The following PCDHA12 variants were observed in gnomAD, a reference collection of about 807,000 sequenced individuals.
PCDHA12 encodes the protein protocadherin alpha 12.
PCDHA12 carries 44 observed loss-of-function variants against 60.0 expected under a neutral mutation model. The ratio of observed to expected loss-of-function variants is 0.73; its 90% CI spans 0.58 to 0.94. The LOEUF is 0.94. Among genes scored for constraint, PCDHA12 ranks in the 40% least tolerant of loss-of-function variants. The pLI is 0.00. For synonymous variants in PCDHA12, 569 were observed against 553.0 expected, an observed-to-expected ratio of 1.03 and a Z score of -0.40; for missense variants, 1,276 against 1,239.7, an observed-to-expected ratio of 1.03 and a Z score of -0.44.
chr5:140,897,345 C>A (rs1291203410), intron 1 of PCDHA12, among the ~76,000 whole-genome samples: 2 of 126,562 alleles, frequency 1.6e-5, no homozygotes, highest in African/African-American at 6.0e-5. Flanking sequence ...CCCCCCACCC[C>A]ACAACTGTCC....
Position 140,896,030 on chromosome 5 carries a change from C to T in PCDHA12, c.2367+18191C>T, listed in dbSNP as rs180907288. On this transcript the variant is annotated intron_variant, in intron 1 of 3. Transcript: ENST00000398631. ...TTCTCCATGTTGGCCAGGCTGGTCT[C>T]GAACTCCTGACCTCAGGTGATCCGC... Among the ~76,000 whole-genome samples, 1,221 of 152,240 alleles carry T rather than the reference C, an allele frequency of 8.0e-3. 6 individuals are homozygous for T. The highest frequency in any genetic ancestry group is 0.019 in the African/African-American group (785 of 41,560).
intron 1 of PCDHA12, among the ~76,000 whole-genome samples, chr5:140,889,404 G>A (rs565254911): frequency 2.0e-5 from 3 of 151,972 alleles, no homozygotes; most frequent in South Asian, 2.1e-4. Context: ...TAATTTACTC[G>A]AGTCAGTTAC....
chr5:140,954,390 C>A (rs2095030202), intron 1 of PCDHA12, among the ~76,000 whole-genome samples: 1 of 152,204 alleles, frequency 6.6e-6, no homozygotes, highest in South Asian at 2.1e-4. Context: ...AACTAATTTA[C>A]AACCCCACCA....
intron 3 of PCDHA12, among the ~76,000 whole-genome samples, chr5:141,002,021 C>T (rs1177146388): frequency 6.6e-6 from 1 of 152,184 alleles, no homozygotes; most frequent in Non-Finnish European, 1.5e-5. Context: ...GCACAGCCTT[C>T]GGTGCCCTGA....
intron 1 of PCDHA12, among the ~76,000 whole-genome samples, chr5:140,919,033 G>T (rs149900813): frequency 6.6e-6 from 1 of 152,282 alleles, no homozygotes; most frequent in African/African-American, 2.4e-5. Flanking sequence ...CTGCCTAGTT[G>T]TTGTCCATTA....
At chr5:140,984,174 G>A (rs557769828) in intron 3 of PCDHA12, among the ~76,000 whole-genome samples, 25 of 152,318 alleles carry the variant, frequency 1.6e-4, no homozygotes, top group African/African-American at 5.8e-4. Flanking sequence ...AAGAAGCCAC[G>A]TGAAATCATG....
At chr5:140,908,019 G>A (rs1031093375) in intron 1 of PCDHA12, among the ~76,000 whole-genome samples, 1 of 152,122 alleles carries the variant, frequency 6.6e-6, no homozygotes, top group Non-Finnish European at 1.5e-5. Context: ...ACTGGCTACA[G>A]CCCATTAATC....
At chr5:140,884,206 C>T (rs1554181328) in intron 1 of PCDHA12, 1 of 1,613,542 alleles carries the variant, frequency 6.2e-7, no homozygotes, top group Admixed American at 1.7e-5. Context: ...CGCACCACCG[C>T]CTTCTGGTGC....
chr5:140,926,972 C>T (rs782504064), intron 1 of PCDHA12: 1 of 1,609,464 alleles, frequency 6.2e-7, no homozygotes. Context: ...TACTCAGTGC[C>T]GGAGGAGACG....
intron 3 of PCDHA12, among the ~76,000 whole-genome samples, chr5:140,993,460 T>TCA (rs1554253699): frequency 1.6e-3 from 169 of 104,560 alleles, no homozygotes; most frequent in African/African-American, 3.8e-3. Flanking sequence ...CTTCTTTCTT[T>TCA]CTCACACACA....
intron 3 of PCDHA12, among the ~76,000 whole-genome samples, chr5:140,998,364 C>T (rs2097808386): frequency 6.6e-6 from 1 of 152,192 alleles, no homozygotes; most frequent in South Asian, 2.1e-4. Flanking sequence ...AACCACTGCA[C>T]ACACCGTCTC....
chr5:140,947,704 G>T (rs1199039011), intron 1 of PCDHA12, among the ~76,000 whole-genome samples: 2 of 151,488 alleles, frequency 1.3e-5, no homozygotes, highest in East Asian at 3.9e-4. Flanking sequence ...GTAGTTTTAA[G>T]TATTGAGGTT....
At chr5:140,916,760 G>A (rs1387005871) in intron 1 of PCDHA12, among the ~76,000 whole-genome samples, 1 of 152,180 alleles carries the variant, frequency 6.6e-6, no homozygotes, top group Non-Finnish European at 1.5e-5. Context: ...ATTAGGGGAG[G>A]GGTGGCACAA....
At chr5:140,907,181 A>T (rs1216886799) in intron 1 of PCDHA12, among the ~76,000 whole-genome samples, 3 of 152,220 alleles carry the variant, frequency 2.0e-5, no homozygotes, top group African/African-American at 7.2e-5. Context: ...GATTCAGAGC[A>T]TACACAACCT....
At position 140,941,246 on chromosome 5, in the gene PCDHA12, T is replaced by TCCTTC. The variant is rs1465255424; in HGVS notation, c.2368-37702_2368-37701insCTTCC. Among the ~76,000 whole-genome samples, 4 of 141,078 alleles carry TCCTTC rather than the reference T, an allele frequency of 2.8e-5. No individual in the cohort carries two copies. In the East Asian group the frequency reaches 8.2e-4, roughly 29 times the overall value. 92.6% of individuals were successfully genotyped at this position (141,078 alleles called of 152,430 possible). On this transcript the variant is annotated intron_variant, in intron 1 of 3. Coordinates refer to ENST00000398631, the MANE Select transcript of PCDHA12 (RefSeq NM_018903.4). Reference sequence around the variant, plus strand: ...TTCTTTCTTTCTTTCTTTCTTTCTTTCTTTCTTTCTCTTTCTTTCTTTCTT... The same window carrying TCCTTC: ...TTCTTTCTTTCTTTCTTTCTTTCTTTCCTTCCTTTCTTTCTCTTTCTTTCTTTCTT...
At chr5:140,898,445 G>GAA (rs1317860515) in intron 1 of PCDHA12, among the ~76,000 whole-genome samples, 7 of 152,126 alleles carry the variant, frequency 4.6e-5, no homozygotes, top group Admixed American at 3.3e-4. Flanking sequence ...ATTAAATAGG[G>GAA]AATCCTTTCC....
At chr5:140,927,721 C>G in intron 1 of PCDHA12, 1 of 1,614,204 alleles carries the variant, frequency 6.2e-7, no homozygotes, top group Non-Finnish European at 8.5e-7. Flanking sequence ...CAACAGCACG[C>G]AAGCAGAGCT....
chr5:140,925,299 T>C (rs2082428309), intron 1 of PCDHA12, among the ~76,000 whole-genome samples: 1 of 152,200 alleles, frequency 6.6e-6, no homozygotes, highest in African/African-American at 2.4e-5. Context: ...GTTTCATTAT[T>C]GGGGCTTTGG....
intron 3 of PCDHA12, among the ~76,000 whole-genome samples, chr5:141,004,805 A>G (rs1588069791): frequency 6.6e-6 from 1 of 152,310 alleles, no homozygotes; most frequent in African/African-American, 2.4e-5. Flanking sequence ...GCTGAGCTCA[A>G]TTGCAGATTT....
Sources: gnomAD v4.1 joint callset for allele counts (sites outside exome capture counted in the v4.1 genomes callset) on GRCh38, gnomAD v4.1.1 for gene constraint, MANE v1.5 for transcripts, NCBI Gene and HGNC (gene_info 2026-07-23, HGNC 2026-07-21) for gene names.